ABCG5: variants seen among roughly 807,000 people sequenced by gnomAD.
The protein encoded by ABCG5 is ATP-binding cassette sub-family G member 5.
Under a neutral mutation model 64.5 loss-of-function variants are expected in ABCG5, and 64 were observed. The observed-to-expected ratio is 0.99, with a 90% CI of 0.81 to 1.22. ABCG5 has a LOEUF of 1.22. ABCG5 is among the 50% of genes most tolerant of loss of function. ABCG5 has a pLI of 0.00. For missense variants in ABCG5, 908 were observed against 829.5 expected, an observed-to-expected ratio of 1.09 and a Z score of -1.16; for synonymous variants, 385 against 326.3, an observed-to-expected ratio of 1.18 and a Z score of -1.94.
chr2:43,834,766 C>T (rs558377530), intron 2 of ABCG5, among the ~76,000 whole-genome samples: 65 of 152,354 alleles, frequency 4.3e-4, no homozygotes, highest in Non-Finnish European at 6.5e-4. Context: ...CCAGAGTCTA[C>T]GCCCTCCTCA....
chr2:43,810,709 A>G (rs1439820012), downstream of ABCG5, among the ~76,000 whole-genome samples: 2 of 152,210 alleles, frequency 1.3e-5, no homozygotes, highest in Non-Finnish European at 2.9e-5. Context: ...TGCAGTACGT[A>G]TGGTTCTGAC....
intron 4 of ABCG5, chr2:43,828,532 C>T (rs1199251842): frequency 3.2e-5 from 12 of 370,914 alleles, no homozygotes; most frequent in Non-Finnish European, 5.6e-5. Flanking sequence ...TATGCTGGCA[C>T]GTGCCTGTAG....
Position 43,838,471 on chromosome 2 carries a change from A to G in ABCG5, c.143+66T>C. ...TGGCACTTAAAGAGTGAAGAAAGGC[A>G]GCAGAGGGGTGAGCGCCGGGCCCCG... On this transcript the variant is annotated intron_variant, in intron 1 of 12. Coordinates refer to ENST00000405322, the MANE Select transcript of ABCG5 (RefSeq NM_022436.3). This position sits in a 1 kb window ranked among gnomAD's most constrained non-coding sequence, Gnocchi z 4.2. 6.8e-7 allele frequency: 1 copy of G among 1,475,436 alleles called. No homozygotes were observed. Among genetic ancestry groups the G allele is most frequent in the Non-Finnish European group, 9.3e-7 (1 of 1,080,718 alleles). 91.4% of individuals were successfully genotyped at this position (1,475,436 alleles called of 1,614,324 possible).
At chr2:43,816,339 A>AG (rs1666822085) in intron 11 of ABCG5, among the ~76,000 whole-genome samples, 1 of 152,190 alleles carries the variant, frequency 6.6e-6, no homozygotes, top group African/African-American at 2.4e-5. Flanking sequence ...GACAGGAAGT[A>AG]GTGTGTGATA....
At position 43,813,200 on chromosome 2, in the gene ABCG5, A is replaced by G. The variant is rs1160369231; in HGVS notation, c.1872T>C (p.Phe624=). 5.6e-6 allele frequency: 9 copies of G among 1,604,540 alleles called. No individual in the cohort carries two copies. The highest frequency in any genetic ancestry group is 2.7e-5 in the African/African-American group (2 of 74,668). Residue 624 remains phenylalanine, a synonymous_variant, in exon 13 of 13, where the codon TTT becomes TTC. Transcript: ENST00000405322. ...CTGGAATAAATGAATACAAAATCAG[A>G]AAGTTCATTGTGAATCTAGATGTTG... ...PGATSRFTMN[F]LILYSFIPAL...
chr2:43,820,680 G>A (rs1383490537), intron 10 of ABCG5, among the ~76,000 whole-genome samples: 2 of 152,078 alleles, frequency 1.3e-5, no homozygotes, highest in Non-Finnish European at 2.9e-5. Flanking sequence ...TTGAGACGGA[G>A]TTGCACTCTG....
In ABCG5 at chr2:43,822,920, G is replaced by A. The variant is rs200373089; in HGVS notation, c.1340C>T (p.Ala447Val). ...NAVNLFPVLR[A>V]VSDQESQDGL... Reference sequence around the variant, plus strand: ...GTCCTGACTCTCCTGGTCGCTGACAGCTCGCAGCACGGGAACTGGGGATGG... The same window carrying A: ...GTCCTGACTCTCCTGGTCGCTGACAACTCGCAGCACGGGAACTGGGGATGG... Residue 447 changes from alanine to valine, a missense_variant, in exon 10 of 13, where the codon GCT (alanine) becomes GTT (valine). Transcript: ENST00000405322. 6.2e-7 allele frequency: 1 copy of A among 1,613,958 alleles called. No homozygotes were observed. Among genetic ancestry groups the A allele is most frequent in the Non-Finnish European group, 8.5e-7 (1 of 1,179,956 alleles).
chr2:43,810,559 T>A, downstream of ABCG5: 1 of 969,884 alleles, frequency 1.0e-6, no homozygotes, highest in Non-Finnish European at 1.2e-6. Context: ...AATGATTTAT[T>A]CTATGTTCTT....
chr2:43,821,532 C>A (rs1043819424), intron 10 of ABCG5, among the ~76,000 whole-genome samples: 1 of 152,180 alleles, frequency 6.6e-6, no homozygotes, highest in Non-Finnish European at 1.5e-5. Flanking sequence ...CCCTCACTGC[C>A]GCAGATGCTG....
At chr2:43,825,044 T>C (rs2104821966) in intron 6 of ABCG5, 26 bp from the exon 7 acceptor site, 1 of 1,612,206 alleles carries the variant, frequency 6.2e-7, no homozygotes, top group Non-Finnish European at 8.5e-7. Flanking sequence ...ACGTAGTTAG[T>C]GTGTGATCAC....
At chr2:43,813,974 C>A (rs1666655765) in intron 12 of ABCG5, among the ~76,000 whole-genome samples, 1 of 152,006 alleles carries the variant, frequency 6.6e-6, no homozygotes, top group Admixed American at 6.6e-5. Flanking sequence ...CCTCCGACTC[C>A]CAAAGTGCTG....
In ABCG5 at chr2:43,812,932, C is replaced by G. The variant is rs1666557404; in HGVS notation, c.*184G>C. The G allele has an allele frequency of 6.6e-6, 4 of 610,586 alleles. No individual in the cohort carries two copies. In the South Asian group the frequency reaches 7.8e-5, roughly 12 times the overall value. 37.8% of individuals were successfully genotyped at this position (610,586 alleles called of 1,614,324 possible). A position where few individuals can be genotyped will look rare whatever the true frequency, so the allele number is the denominator to read the frequency against. ...CCCTGCAAGTTGTAAGAGCAAGGGA[C>G]TATAAACCACTTCCATTGCATTCAA... On this transcript the variant is annotated 3_prime_UTR_variant, in exon 13 of 13. Coordinates refer to ENST00000405322, the MANE Select transcript of ABCG5 (RefSeq NM_022436.3).
intron 11 of ABCG5, among the ~76,000 whole-genome samples, chr2:43,817,443 C>A (rs1404511451): frequency 1.3e-5 from 2 of 151,946 alleles, no homozygotes; most frequent in African/African-American, 2.4e-5. Context: ...CGAGATCGTG[C>A]CATTGCATTC....
intron 2 of ABCG5, among the ~76,000 whole-genome samples, chr2:43,837,523 C>A (rs1004948102): frequency 2.6e-5 from 4 of 152,128 alleles, no homozygotes; most frequent in Admixed American, 2.6e-4. Context: ...TTATTTAATC[C>A]TTTTCCTGTC....
At chr2:43,825,522 C>G (rs1667544334) in intron 6 of ABCG5, among the ~76,000 whole-genome samples, 1 of 152,156 alleles carries the variant, frequency 6.6e-6, no homozygotes. Flanking sequence ...GCCTTTGAAG[C>G]CAACTTGGCT....
chr2:43,812,911 G>C lies in ABCG5; in HGVS notation c.*205C>G. Reference sequence around the variant, plus strand: ...AATTTCCAAATAACCACATGTCCCTGCAAGTTGTAAGAGCAAGGGACTATA... The same window carrying C: ...AATTTCCAAATAACCACATGTCCCTCCAAGTTGTAAGAGCAAGGGACTATA... On this transcript the variant is annotated 3_prime_UTR_variant, in exon 13 of 13. Coordinates refer to ENST00000405322, the MANE Select transcript of ABCG5 (RefSeq NM_022436.3). The C allele has an allele frequency of 1.7e-6, 1 of 576,276 alleles. No individual in the cohort carries two copies. Among genetic ancestry groups the C allele is most frequent in the Non-Finnish European group, 3.1e-6 (1 of 322,294 alleles). The allele number at this position is 576,276 out of a possible 1,614,324, so 35.7% of individuals were successfully genotyped here. A position where few individuals can be genotyped will look rare whatever the true frequency, so the allele number is the denominator to read the frequency against.
At chr2:43,838,989 G>A, upstream of ABCG5, 1 of 1,493,530 alleles carries the variant, frequency 6.7e-7, no homozygotes, top group Non-Finnish European at 9.1e-7. This position sits in a 1 kb window ranked among gnomAD's most constrained non-coding sequence, Gnocchi z 4.2. Flanking sequence ...TGAAGACACT[G>A]GCCCTGGCAG....
intron 4 of ABCG5, among the ~76,000 whole-genome samples, chr2:43,830,173 T>C (rs2104856584): frequency 6.6e-6 from 1 of 152,272 alleles, no homozygotes; most frequent in Admixed American, 6.5e-5. Context: ...TTAATTTGTC[T>C]CAGAGGTTTC....
At chr2:43,809,530 C>G (rs993674253), downstream of ABCG5, among the ~76,000 whole-genome samples, 1 of 152,068 alleles carries the variant, frequency 6.6e-6, no homozygotes. Context: ...GACAGTATTT[C>G]TAGAAAATAA....
Sources: gnomAD v4.1 joint callset for allele counts (sites outside exome capture counted in the v4.1 genomes callset) on GRCh38, gnomAD v4.1.1 for gene constraint, Gnocchi (gnomAD v3.1) non-coding constraint, MANE v1.5 for transcripts, NCBI Gene and HGNC (gene_info 2026-07-23, HGNC 2026-07-21) for gene names.